The following NF2 variants were observed in gnomAD, a reference collection of about 807,000 sequenced individuals.
NF2 encodes the protein merlin.
In NF2, 8 loss-of-function variants were observed where a neutral mutation model predicts 83.7. The observed-to-expected ratio is 0.10, with a 90% confidence interval of 0.06 to 0.17. The LOEUF (loss-of-function observed/expected upper bound fraction) is 0.17. NF2 is among the 10% of genes least tolerant of loss of function. The pLI is 1.00. For synonymous variants in NF2, 266 were observed against 269.6 expected, an observed-to-expected ratio of 0.99 and a Z score of 0.13; for missense variants, 533 against 744.4, an observed-to-expected ratio of 0.72 and a Z score of 3.31.
At chr22:29,687,815 C>G (rs760327146) in intron 15 of NF2, among the ~76,000 whole-genome samples, 4 of 152,142 alleles carry the variant, frequency 2.6e-5, no homozygotes, top group Non-Finnish European at 5.9e-5. Context: ...GGGTGGGGAG[C>G]AAGGATTAAC....
chr22:29,676,429 G>A (rs1004672227), intron 13 of NF2, among the ~76,000 whole-genome samples: 1 of 152,088 alleles, frequency 6.6e-6, no homozygotes, highest in African/African-American at 2.4e-5. Context: ...GCCTGCCTCA[G>A]CTTCCCAAAG....
At chr22:29,613,371 A>T (rs1342502626) in intron 1 of NF2, among the ~76,000 whole-genome samples, 1 of 152,084 alleles carries the variant, frequency 6.6e-6, no homozygotes, top group Non-Finnish European at 1.5e-5. Context: ...CTCTACCAAA[A>T]ATACAAAAAT....
chr22:29,650,939 T>C (rs1685314384), intron 4 of NF2, among the ~76,000 whole-genome samples: 1 of 152,206 alleles, frequency 6.6e-6, no homozygotes, highest in African/African-American at 2.4e-5. Flanking sequence ...AGATGCTCCA[T>C]GTATTATGAG....
chr22:29,619,188 G>A (rs922939849), intron 1 of NF2, among the ~76,000 whole-genome samples: 4 of 152,174 alleles, frequency 2.6e-5, no homozygotes, highest in South Asian at 4.2e-4. Flanking sequence ...GGGAATACAG[G>A]CATGTGCCAA....
rs1416029183 is a variant in NF2 at position 29,642,311 on chromosome 22, T to A, written c.447+26T>A. 6 of 1,599,770 alleles carry A rather than the reference T, an allele frequency of 3.8e-6. No homozygotes were observed. The Admixed American group carries it at 1.0e-4, about 27-fold the overall frequency. The stretch of plus-strand genomic sequence containing the variant: ...GTAGGCTCAAAGAAGAAAAATGTAT[T>A]TTTCCTGGGCGTTAATTTGGGTCAT... On this transcript the variant is annotated intron_variant, in intron 4 of 15. Coordinates refer to ENST00000338641, the MANE Select transcript of NF2 (RefSeq NM_000268.4).
chr22:29,694,651 C>A lies in NF2; in HGVS notation c.1738-101C>A. On this transcript the variant is annotated intron_variant, in intron 15 of 15. Coordinates refer to ENST00000338641, the MANE Select transcript of NF2 (RefSeq NM_000268.4). The surrounding 1 kb of genome is among the most constrained non-coding windows in gnomAD (Gnocchi z 4.1). ...TCTATTTGAACAGCCTTCCCTTTCG[C>A]TCCCAGCCACCTTTGAGGTGAGTCC... The A allele has an allele frequency of 7.9e-7, 1 of 1,271,206 alleles. No homozygotes were observed. The highest frequency in any genetic ancestry group is 1.1e-6 in the Non-Finnish European group (1 of 886,634). 78.7% of individuals were successfully genotyped at this position (1,271,206 alleles called of 1,614,324 possible).
rs866689896 is a variant in NF2 at position 29,674,892 on chromosome 22, G to A, written c.1397G>A (p.Arg466Gln). 15 of 1,574,720 alleles carry A rather than the reference G, an allele frequency of 9.5e-6. No individual in the cohort carries two copies. Among genetic ancestry groups the A allele is most frequent in the East Asian group, 4.7e-5 (2 of 42,934 alleles). ...CTGCAGGAAGCACGCGAGGCGGAGC[G>A]AAGAGCCAAGCAGAAGCTCCTGGAG... ...QDLQEAREAE[R>Q]RAKQKLLEIA... Residue 466 changes from arginine (R) to glutamine (Q), a missense_variant, in exon 13 of 16, where the codon CGA (arginine) becomes CAA (glutamine). Arg to Gln is a conservative substitution (Grantham distance 43). Transcript: ENST00000338641.
At chr22:29,653,351 G>A (rs940608338) in intron 4 of NF2, among the ~76,000 whole-genome samples, 1 of 151,262 alleles carries the variant, frequency 6.6e-6, no homozygotes, top group Non-Finnish European at 1.5e-5. Flanking sequence ...TACTGAGGCA[G>A]GAGAATTGCT....
Position 29,658,209 on chromosome 22 carries a change from A to G in NF2, c.620A>G (p.Tyr207Cys). Residue 207 changes from tyrosine (Y) to cysteine (C), a missense_variant, in exon 7 of 16, where the codon TAT becomes TGT. By Grantham distance (194) the Tyr-to-Cys change is radical. Coordinates refer to ENST00000338641, the MANE Select transcript of NF2 (RefSeq NM_000268.4). ...GRARDEAEME[Y>C]LKIAQDLEMY... ...CACAGGGATGAAGCTGAAATGGAAT[A>G]TCTGAAGATAGCTCAGGACCTGGAG... is the stretch of plus-strand genomic sequence containing the variant. 6.2e-7 allele frequency: 1 copy of G among 1,614,190 alleles called. No homozygotes were observed. The highest frequency in any genetic ancestry group is 8.5e-7 in the Non-Finnish European group (1 of 1,180,028).
In NF2 at chr22:29,694,368, G is replaced by A. The variant is rs919312215; in HGVS notation, c.1738-384G>A. Among the ~76,000 whole-genome samples, 15 of 152,228 alleles carry A rather than the reference G, an allele frequency of 9.9e-5. No homozygotes were observed. The highest frequency in any genetic ancestry group is 3.6e-4 in the African/African-American group (15 of 41,468). On this transcript the variant is annotated intron_variant, in intron 15 of 15. Coordinates refer to ENST00000338641, the MANE Select transcript of NF2 (RefSeq NM_000268.4). The surrounding 1 kb of genome is among the most constrained non-coding windows in gnomAD (Gnocchi z 4.1). ...GCCCTGCCAAGCCCGGAGGGGATGA[G>A]CAGCCTCAGCTGGTGCCGCCACAGA...
intron 8 of NF2, among the ~76,000 whole-genome samples, chr22:29,663,821 T>C (rs1320662935): frequency 2.6e-5 from 4 of 152,208 alleles, no homozygotes; most frequent in Non-Finnish European, 5.9e-5. Flanking sequence ...TGTAAGTGCA[T>C]CTTGGAAATC....
Position 29,646,821 on chromosome 22 carries a change from A to C in NF2, c.447+4536A>C, listed in dbSNP as rs374784848. 3.0e-4 allele frequency among the ~76,000 whole-genome samples: 45 copies of C among 152,264 alleles called. No individual in the cohort carries two copies. The East Asian group carries it at 6.8e-3, about 23-fold the overall frequency. On this transcript the variant is annotated intron_variant, in intron 4 of 15. Transcript: ENST00000338641. ...CACTTTGGGAGGCCAAGGAGGATGG[A>C]TCACCTGAGGTCAGGAGTTCTAGAC...
intron 1 of NF2, among the ~76,000 whole-genome samples, chr22:29,611,193 C>T (rs1377722603): frequency 6.6e-6 from 1 of 152,160 alleles, no homozygotes; most frequent in Non-Finnish European, 1.5e-5. Flanking sequence ...ACCTGATACA[C>T]AGCAGTTATG....
intron 3 of NF2, 100 bp from the exon 4 acceptor site, chr22:29,642,102 G>T: frequency 1.0e-6 from 1 of 954,638 alleles, no homozygotes. Context: ...GGCTGCTCTG[G>T]CAGCCCTCAT....
rs926832734 is a variant in NF2, at chr22:29,652,175, C to A, written c.448-2482C>A. Among the ~76,000 whole-genome samples, 7 of 151,836 alleles carry A rather than the reference C, an allele frequency of 4.6e-5. No homozygotes were observed. In the South Asian group the frequency reaches 1.5e-3, roughly 33 times the overall value. ...AGGCCTCAGAAGGGGTACTTCAGCA[C>A]CCCCCCACTTCCCTTCAGGATCCTC... On this transcript the variant is annotated intron_variant, in intron 4 of 15. Coordinates refer to ENST00000338641, the MANE Select transcript of NF2 (RefSeq NM_000268.4).
At chr22:29,605,800 G>C (rs1347806314) in intron 1 of NF2, among the ~76,000 whole-genome samples, 1 of 152,162 alleles carries the variant, frequency 6.6e-6, no homozygotes, top group Admixed American at 6.5e-5. Flanking sequence ...TTCTACTCCA[G>C]ACTATTGCAA....
At chr22:29,680,965 C>T (rs192058790) in intron 14 of NF2, among the ~76,000 whole-genome samples, 226 of 151,044 alleles carry the variant, frequency 1.5e-3, no homozygotes, top group African/African-American at 5.3e-3. Flanking sequence ...TTGTACAGAA[C>T]GAAAAGCTGT....
intron 1 of NF2, among the ~76,000 whole-genome samples, chr22:29,629,752 A>G (rs2065459461): frequency 6.6e-6 from 1 of 152,104 alleles, no homozygotes; most frequent in Admixed American, 6.5e-5. Flanking sequence ...ATTCTCTTTC[A>G]TTTTCTGCAG....
chr22:29,663,214 C>T (rs2066524765), intron 8 of NF2, among the ~76,000 whole-genome samples: 1 of 152,176 alleles, frequency 6.6e-6, no homozygotes, highest in East Asian at 1.9e-4. Flanking sequence ...AGTTTTTCAT[C>T]TCCCAATTTC....
Sources: allele counts gnomAD v4.1 joint callset (sites outside exome capture counted in the v4.1 genomes callset), GRCh38; gene constraint gnomAD v4.1.1; non-coding constraint Gnocchi (gnomAD v3.1); transcripts MANE v1.5; gene names NCBI Gene and HGNC (gene_info 2026-07-23, HGNC 2026-07-21).